STX6: variants seen among roughly 807,000 people sequenced by gnomAD.
The protein encoded by STX6 is syntaxin-6.
STX6 carries 23 observed loss-of-function variants against 38.0 expected under a neutral mutation model. The observed-to-expected ratio is 0.60, with a 90% CI of 0.43 to 0.86. The LOEUF (loss-of-function observed/expected upper bound fraction) is 0.86, where lower values mean the gene tolerates loss of function less well. STX6 is among the 40% of genes least tolerant of loss of function. STX6 has a pLI of 0.00. For missense variants in STX6, 274 were observed against 312.9 expected, an observed-to-expected ratio of 0.88 and a Z score of 0.94; for synonymous variants, 123 against 107.5, an observed-to-expected ratio of 1.14 and a Z score of -0.89.
intron 7 of STX6, 60 bp downstream of exon 7, chr1:180,984,617 C>A (rs1655518120): frequency 4.2e-6 from 3 of 708,594 alleles, no homozygotes; most frequent in East Asian, 2.8e-5. Context: ...TGAGACAACA[C>A]CCCCAAGACA....
chr1:181,022,533 C>G lies in STX6; in HGVS notation c.35+106G>C, dbSNP rs1201238621. Reference sequence around the variant, plus strand: ...AAGCCGTCTCCACTGTTCCCCCTCCCCAGCTCCAACTTGCCTCCCCTCCCC... The same window carrying G: ...AAGCCGTCTCCACTGTTCCCCCTCCGCAGCTCCAACTTGCCTCCCCTCCCC... On this transcript the variant is annotated intron_variant, in intron 1 of 7. Coordinates refer to ENST00000258301, the MANE Select transcript of STX6 (RefSeq NM_005819.6). 8.5e-5 allele frequency: 102 copies of G among 1,201,272 alleles called. 2 individuals carry two copies. Among genetic ancestry groups the G allele is most frequent in the South Asian group, 8.4e-4 (64 of 76,014 alleles). 74.4% of individuals were successfully genotyped at this position (1,201,272 alleles called of 1,614,324 possible). A position where few individuals can be genotyped will look rare whatever the true frequency, so the allele number is the denominator to read the frequency against.
intron 1 of STX6, among the ~76,000 whole-genome samples, chr1:181,020,337 C>T (rs1171305468): frequency 6.6e-6 from 1 of 152,032 alleles, no homozygotes; most frequent in African/African-American, 2.4e-5. Flanking sequence ...AGACTTAGTA[C>T]AAAAGTAAAA....
At chr1:181,022,128 T>G (rs546245375) in intron 1 of STX6, among the ~76,000 whole-genome samples, 37 of 132,984 alleles carry the variant, frequency 2.8e-4, no homozygotes, top group South Asian at 2.5e-3. Flanking sequence ...GCAAACGTGC[T>G]CAGACGCCTC....
At chr1:181,008,734 T>TTTG (rs1656304875) in intron 1 of STX6, among the ~76,000 whole-genome samples, 1 of 150,534 alleles carries the variant, frequency 6.6e-6, no homozygotes, top group African/African-American at 2.4e-5. Context: ...ATTGTTTTTT[T>TTTG]TTTTTTTTTT....
At chr1:180,989,812 TG>T (rs1321205590) in intron 5 of STX6, among the ~76,000 whole-genome samples, 171 bp downstream of exon 5, 2 of 152,150 alleles carry the variant, frequency 1.3e-5, no homozygotes, top group Non-Finnish European at 2.9e-5. Context: ...GCAGTCACAC[TG>T]TGAAGATTTT....
chr1:180,998,188 A>C (rs903502664), intron 3 of STX6, among the ~76,000 whole-genome samples: 1 of 152,218 alleles, frequency 6.6e-6, no homozygotes, highest in Non-Finnish European at 1.5e-5. Flanking sequence ...TTGCATTATC[A>C]TAATTAAATG....
At chr1:181,008,948 G>A (rs1008439392) in intron 1 of STX6, among the ~76,000 whole-genome samples, 3 of 151,822 alleles carry the variant, frequency 2.0e-5, no homozygotes, top group Non-Finnish European at 4.4e-5. Flanking sequence ...GGGGCGGGGG[G>A]AAAACAGCTA....
At chr1:181,013,081 A>G (rs1656454156) in intron 1 of STX6, among the ~76,000 whole-genome samples, 1 of 152,020 alleles carries the variant, frequency 6.6e-6, no homozygotes, top group African/African-American at 2.4e-5. Flanking sequence ...AGCCTCTTCC[A>G]TACAACCTCC....
At chr1:181,016,980 G>A (rs1298644526) in intron 1 of STX6, among the ~76,000 whole-genome samples, 2 of 152,016 alleles carry the variant, frequency 1.3e-5, no homozygotes, top group East Asian at 3.9e-4. Context: ...GCAGAGGCAG[G>A]GAGAAGTGCT....
chr1:181,002,745 G>A (rs932537398), intron 2 of STX6, 45 bp from the exon 3 acceptor site: 1 of 1,312,542 alleles, frequency 7.6e-7, no homozygotes, highest in Non-Finnish European at 1.1e-6. Context: ...ATCAAAGCCT[G>A]ACAACATCCT....
chr1:180,985,243 A>G (rs866224173), intron 6 of STX6, among the ~76,000 whole-genome samples: 3 of 152,202 alleles, frequency 2.0e-5, no homozygotes, highest in Non-Finnish European at 4.4e-5. Flanking sequence ...TGGCAGTGCA[A>G]TGTGGTAGAA....
Position 180,976,536 on chromosome 1 carries a change from A to G in STX6, c.*34T>C, listed in dbSNP as rs1039408376. ...GCTTCTCCTCCTCCCCTCGGTTCAT[A>G]TGCAGGAGGAACTCGCACCCAGAGG... is the stretch of plus-strand genomic sequence containing the variant. On this transcript the variant is annotated 3_prime_UTR_variant, in exon 8 of 8. Transcript: ENST00000258301. 6.3e-7 allele frequency: 1 copy of G among 1,585,018 alleles called. No individual in the cohort carries two copies. Among genetic ancestry groups the G allele is most frequent in the Middle Eastern group, 1.7e-4 (1 of 6,014 alleles).
intron 2 of STX6, 120 bp from the exon 3 acceptor site, chr1:181,002,820 G>A: frequency 1.5e-6 from 1 of 655,310 alleles, no homozygotes; most frequent in East Asian, 2.9e-5. Flanking sequence ...TGAAAACACA[G>A]TCAGCTGGAC....
At chr1:181,000,443 G>A (rs1333423349) in intron 3 of STX6, among the ~76,000 whole-genome samples, 2 of 152,192 alleles carry the variant, frequency 1.3e-5, no homozygotes, top group Admixed American at 6.5e-5. Context: ...ACAGAGCAAA[G>A]TGGGAAGAGC....
Position 181,022,713 on chromosome 1 carries a change from A to C in STX6, c.-40T>G, listed in dbSNP as rs1340385357. ...GGCCGCCTTCACCTCCTCCGCGCAC[A>C]GGGCGCCCGTGCCTCCCGGTCTCCC... On this transcript the variant is annotated 5_prime_UTR_variant, in exon 1 of 8. Transcript: ENST00000258301. 6.3e-7 allele frequency: 1 copy of C among 1,581,990 alleles called. No homozygotes were observed. Among genetic ancestry groups the C allele is most frequent in the Admixed American group, 1.8e-5 (1 of 56,170 alleles).
rs112055963 is a variant in STX6 at position 181,002,185 on chromosome 1, A to AT, written c.300+420dup. ...GATTTCTTTTTCTTCAATCACGGAAATTTTTTTTTTTTTTTAAGGTACAGT... is the reference window on the plus strand; with the variant it reads ...GATTTCTTTTTCTTCAATCACGGAAATTTTTTTTTTTTTTTTAAGGTACAGT... On this transcript the variant is annotated intron_variant, in intron 3 of 7. Coordinates refer to ENST00000258301, the MANE Select transcript of STX6 (RefSeq NM_005819.6). 9.6e-3 allele frequency among the ~76,000 whole-genome samples: 1,423 copies of AT among 148,146 alleles called. 22 individuals carry two copies. The highest frequency in any genetic ancestry group is 0.031 in the African/African-American group (1,255 of 40,402).
intron 1 of STX6, among the ~76,000 whole-genome samples, chr1:181,010,642 C>CT (rs958811739): frequency 1.1e-4 from 16 of 150,756 alleles, no homozygotes; most frequent in East Asian, 3.9e-4. Flanking sequence ...TCTTTTTTTT[C>CT]TTTTTTTTTA....
Position 180,988,357 on chromosome 1 carries a change from G to A in STX6, c.490-12C>T. ...TGTTCCACGATCAACTGGTGCCAGA[G>A]AAATGGGAAATAAGCAATTAAAATC... On this transcript the variant is annotated splice_polypyrimidine_tract_variant and intron_variant, in intron 5 of 7. Coordinates refer to ENST00000258301, the MANE Select transcript of STX6 (RefSeq NM_005819.6). The A allele has an allele frequency of 1.2e-6, 2 of 1,603,816 alleles. No individual in the cohort carries two copies. Among genetic ancestry groups the A allele is most frequent in the Non-Finnish European group, 1.7e-6 (2 of 1,171,376 alleles).
chr1:180,995,212 C>T lies in STX6; in HGVS notation c.301-1787G>A, dbSNP rs527865396. Among the ~76,000 whole-genome samples the T allele has an allele frequency of 3.9e-5, 6 of 152,172 alleles. No homozygotes were observed. In the East Asian group the frequency reaches 7.7e-4, roughly 20 times the overall value. The stretch of plus-strand genomic sequence containing the variant: ...TCTTGATCTTGTGATCTGCCCACCT[C>T]GGCCGCCCAAAGTGCTGGGATTACA... On this transcript the variant is annotated intron_variant, in intron 3 of 7. Transcript: ENST00000258301.
Sources: allele counts gnomAD v4.1 joint callset (sites outside exome capture counted in the v4.1 genomes callset), GRCh38; gene constraint gnomAD v4.1.1; transcripts MANE v1.5; gene names NCBI Gene and HGNC (gene_info 2026-07-23, HGNC 2026-07-21).